Variants in EPCAM observed in about 807,000 individuals in gnomAD.
EPCAM encodes adenocarcinoma-associated antigen.
In EPCAM, 39 loss-of-function variants were observed where a neutral mutation model predicts 40.0. The ratio of observed to expected loss-of-function variants is 0.98; its 90% CI spans 0.76 to 1.27. The LOEUF (loss-of-function observed/expected upper bound fraction) is 1.27. EPCAM is among the 50% of genes most tolerant of loss of function. EPCAM has a pLI of 0.00. For missense variants in EPCAM, 503 were observed against 381.2 expected, an observed-to-expected ratio of 1.32 and a Z score of -2.66; for synonymous variants, 168 against 132.3, an observed-to-expected ratio of 1.27 and a Z score of -1.85.
intron 7 of EPCAM, among the ~76,000 whole-genome samples, chr2:47,382,424 C>T (rs546235231): frequency 2.3e-4 from 35 of 152,172 alleles, no homozygotes; most frequent in Non-Finnish European, 4.4e-4. Flanking sequence ...TGGTGGCTTA[C>T]GCCTATAATC....
chr2:47,376,991 T>C (rs775172331), intron 4 of EPCAM, 23 bp from the exon 5 acceptor site: 1 of 1,549,744 alleles, frequency 6.5e-7, no homozygotes, highest in South Asian at 1.1e-5. Flanking sequence ...TTTTTTTTAA[T>C]ACAGATTTTA....
chr2:47,373,704 A>C lies in EPCAM; in HGVS notation c.185-104A>C. On this transcript the variant is annotated intron_variant, in intron 2 of 8. Coordinates refer to ENST00000263735, the MANE Select transcript of EPCAM (RefSeq NM_002354.3). The stretch of plus-strand genomic sequence containing the variant: ...TACAAAGTAAGTGTGGGAACACATA[A>C]ATTTCAAATAATCTTTGACCCTGGA... The C allele has an allele frequency of 2.6e-6, 4 of 1,533,520 alleles. 1 individual carries two copies. Among genetic ancestry groups the C allele is most frequent in the Admixed American group, 3.6e-5 (2 of 55,416 alleles). 95.0% of individuals were successfully genotyped at this position (1,533,520 alleles called of 1,614,324 possible).
rs189199539 is a variant in EPCAM at position 47,386,874 on chromosome 2, G to C, written c.*261G>C. ...GGACTCCATCGTTAAAATTATTTAT[G>C]TGTAACATTCAAATGTGTGCATTAA... On this transcript the variant is annotated 3_prime_UTR_variant, in exon 9 of 9. Transcript: ENST00000263735. 413 of 351,758 alleles carry C rather than the reference G, an allele frequency of 1.2e-3. 11 individuals carry two copies. The South Asian group carries it at 0.022, about 18-fold the overall frequency. The allele number at this position is 351,758 out of a possible 1,614,324, so 21.8% of individuals were successfully genotyped here.
At position 47,378,060 on chromosome 2, in the gene EPCAM, G is replaced by C. The variant is rs945580377; in HGVS notation, c.556-893G>C. Among the ~76,000 whole-genome samples the C allele has an allele frequency of 3.3e-5, 5 of 151,928 alleles. 1 individual carries two copies. The highest frequency in any genetic ancestry group is 9.7e-5 in the African/African-American group (4 of 41,398). On this transcript the variant is annotated intron_variant, in intron 5 of 8. Coordinates refer to ENST00000263735, the MANE Select transcript of EPCAM (RefSeq NM_002354.3). Reference sequence around the variant, plus strand: ...ATCGTGGCTAACACAGTGAAACCCTGTCTCTACTAAAAACATACAAAATAG... The same window carrying C: ...ATCGTGGCTAACACAGTGAAACCCTCTCTCTACTAAAAACATACAAAATAG...
intron 6 of EPCAM, 119 bp downstream of exon 6, chr2:47,379,173 C>T: frequency 1.4e-6 from 1 of 693,534 alleles, no homozygotes; most frequent in Non-Finnish European, 2.6e-6. Context: ...TTCGCTGCTG[C>T]CGTTAATTTT....
At chr2:47,381,533 A>AT (rs1414560288) in intron 7 of EPCAM, among the ~76,000 whole-genome samples, 2 of 152,102 alleles carry the variant, frequency 1.3e-5, no homozygotes, top group Non-Finnish European at 2.9e-5. Context: ...TTGAATTCCT[A>AT]TTTCACTCCA....
intron 1 of EPCAM, among the ~76,000 whole-genome samples, chr2:47,370,734 T>A (rs1671239384): frequency 6.6e-6 from 1 of 151,770 alleles, no homozygotes; most frequent in Non-Finnish European, 1.5e-5. Flanking sequence ...TTTATTATTA[T>A]TATTATTATT....
chr2:47,380,026 A>G, intron 7 of EPCAM, 57 bp downstream of exon 7: 2 of 1,555,926 alleles, frequency 1.3e-6, no homozygotes, highest in Non-Finnish European at 1.7e-6. Flanking sequence ...AGAAAAAGTA[A>G]TAGTGGCTGG....
chr2:47,386,668 A>G lies in EPCAM; in HGVS notation c.*55A>G. 3.7e-6 allele frequency: 5 copies of G among 1,340,100 alleles called. 1 individual carries two copies. The South Asian group carries it at 4.8e-5, about 13-fold the overall frequency. 83.0% of individuals were successfully genotyped at this position (1,340,100 alleles called of 1,614,324 possible). A position where few individuals can be genotyped will look rare whatever the true frequency, so the allele number is the denominator to read the frequency against. ...GAAATAGCAAATGGACACAAATTAC[A>G]AATGTGTGTGCGTGGGACGAAGACA... On this transcript the variant is annotated 3_prime_UTR_variant, in exon 9 of 9. Transcript: ENST00000263735.
rs756801261 is a variant in EPCAM at position 47,379,799 on chromosome 2, A to C, written c.688A>C (p.Lys230Gln). The change falls in exon 7 of 9, where the codon AAA becomes CAA. Residue 230 changes from lysine (K) to glutamine (Q), a missense_variant. By Grantham distance (53) the Lys-to-Gln change is moderately conservative. Transcript: ENST00000263735. The part of the protein sequence containing the change: ...VKGESLFHSK[K>Q]MDLTVNGEQL... ...AGGTGAATCCTTGTTTCATTCTAAG[A>C]AAATGGACCTGACAGTAAATGGGGA... is the stretch of plus-strand genomic sequence containing the variant. 1.9e-6 allele frequency: 3 copies of C among 1,613,678 alleles called. No individual in the cohort carries two copies. The highest frequency in any genetic ancestry group is 1.3e-5 in the African/African-American group (1 of 74,898).
chr2:47,373,451 T>G lies in EPCAM; in HGVS notation c.77-12T>G. On this transcript the variant is annotated splice_polypyrimidine_tract_variant and intron_variant, in intron 1 of 8. Coordinates refer to ENST00000263735, the MANE Select transcript of EPCAM (RefSeq NM_002354.3). ...CCACATTTTAAAGTAGATTTTTTTT[T>G]TAATTTTCTAGAATGTGTCTGTGAA... The G allele has an allele frequency of 6.4e-7, 1 of 1,571,144 alleles. No individual in the cohort carries two copies. Among genetic ancestry groups the G allele is most frequent in the Non-Finnish European group, 8.7e-7 (1 of 1,143,894 alleles).
In EPCAM at chr2:47,379,964, G is replaced by T. The variant is rs1038082340; in HGVS notation, c.853G>T (p.Val285Leu). Reference sequence around the variant, plus strand: ...GATAGCAGTTGTTGCTGGAATTGTTGTGCTGGTGAGTACAGAACAAGTAAA... The same window carrying T: ...GATAGCAGTTGTTGCTGGAATTGTTTTGCTGGTGAGTACAGAACAAGTAAA... ...VVIAVVAGIVVLVISRKKRMA... is the reference protein window; with the variant it reads ...VVIAVVAGIVLLVISRKKRMA... The change falls in exon 7 of 9, where the codon GTG becomes TTG. Residue 285 changes from valine (V) to leucine (L), a missense_variant. Val to Leu is a conservative substitution (Grantham distance 32, BLOSUM62 1). Transcript: ENST00000263735. 2.0e-5 allele frequency: 32 copies of T among 1,610,922 alleles called. No homozygotes were observed. The highest frequency in any genetic ancestry group is 2.7e-5 in the Non-Finnish European group (32 of 1,178,292).
intron 8 of EPCAM, among the ~76,000 whole-genome samples, chr2:47,385,456 A>T (rs1448733431): frequency 6.6e-6 from 1 of 152,190 alleles, no homozygotes; most frequent in African/African-American, 2.4e-5. Flanking sequence ...TTTTTATTCT[A>T]CAAAGAGTCA....
chr2:47,377,597 T>C (rs540211897), intron 5 of EPCAM: 26 of 262,534 alleles, frequency 9.9e-5, no homozygotes, highest in African/African-American at 5.8e-4. Flanking sequence ...GTTTTACTCC[T>C]AAAGAAAACG....
chr2:47,372,355 C>G (rs1338782695), intron 1 of EPCAM, among the ~76,000 whole-genome samples: 10 of 151,830 alleles, frequency 6.6e-5, no homozygotes, highest in Admixed American at 6.6e-4. Context: ...GAGGCGGTGA[C>G]AGCCGGGCAT....
chr2:47,369,611 A>AGCTGG (rs534099440), intron 1 of EPCAM, 30 bp downstream of exon 1: 77 of 1,571,354 alleles, frequency 4.9e-5, no homozygotes, highest in Admixed American at 4.3e-4. Context: ...AGAGTTGTGG[A>AGCTGG]GCTGGGCTGG....
chr2:47,383,679 G>A (rs1399709454), intron 7 of EPCAM, among the ~76,000 whole-genome samples: 1 of 121,920 alleles, frequency 8.2e-6, no homozygotes, highest in East Asian at 2.6e-4. Context: ...CTGTTGCCCA[G>A]GCTGGAGTGC....
In EPCAM at chr2:47,385,223, C is replaced by T; in HGVS notation, c.903+13C>T. The T allele has an allele frequency of 6.2e-7, 1 of 1,605,402 alleles. No individual in the cohort carries two copies. Among genetic ancestry groups the T allele is most frequent in the Non-Finnish European group, 8.5e-7 (1 of 1,172,298 alleles). On this transcript the variant is annotated intron_variant, in intron 8 of 8. Coordinates refer to ENST00000263735, the MANE Select transcript of EPCAM (RefSeq NM_002354.3). ...TGAGAAGGCTGAGGTAAATGGATTA[C>T]TTACCTAAATAGAAAGGCCCTGTTG...
intron 7 of EPCAM, among the ~76,000 whole-genome samples, chr2:47,384,398 C>G (rs914929663): frequency 1.3e-5 from 2 of 149,898 alleles, no homozygotes; most frequent in Non-Finnish European, 3.0e-5. Context: ...GCCATCATGC[C>G]TGACCTATTT....
Sources: allele counts gnomAD v4.1 joint callset (sites outside exome capture counted in the v4.1 genomes callset), GRCh38; gene constraint gnomAD v4.1.1; transcripts MANE v1.5; gene names NCBI Gene and HGNC (gene_info 2026-07-23, HGNC 2026-07-21).